ERCC6: variants seen among roughly 807,000 people sequenced by gnomAD.
ERCC6 encodes ERCC excision repair 6, chromatin remodeling factor.
Under a neutral mutation model 158.7 loss-of-function variants are expected in ERCC6, and 116 were observed. The observed-to-expected ratio is 0.73, with a 90% confidence interval of 0.63 to 0.85. The LOEUF (loss-of-function observed/expected upper bound fraction) is 0.85. Ranked by LOEUF, ERCC6 falls within the 40% of genes least tolerant of loss-of-function variation. The pLI is 0.00. For missense variants in ERCC6, 1,698 were observed against 1,799.4 expected (o/e 0.94, Z 1.02); for synonymous variants, 678 against 659.3 (o/e 1.03, Z -0.43).
intron 11 of ERCC6, among the ~76,000 whole-genome samples, chr10:49,477,254 T>C (rs1174232676): frequency 6.6e-6 from 1 of 152,124 alleles, no homozygotes; most frequent in Non-Finnish European, 1.5e-5. Context: ...CTCCCTAACA[T>C]GTCTCTACTT....
chr10:49,460,214 C>A, intron 20 of ERCC6, 159 bp downstream of exon 20: 1 of 674,552 alleles, frequency 1.5e-6, no homozygotes, highest in South Asian at 1.6e-5. Context: ...CTTTTAGATT[C>A]AAGTGAATGT....
the ERCC6 span, among the ~76,000 whole-genome samples, chr10:49,437,509 G>T: frequency 6.6e-6 from 1 of 152,176 alleles, no homozygotes; most frequent in Non-Finnish European, 1.5e-5. Context: ...GTGTTTACTA[G>T]CTGGGGAAGA....
At position 49,515,638 on chromosome 10, in the gene ERCC6, G is replaced by A. The variant is rs4253073; in HGVS notation, c.1397+8395C>T. On this transcript the variant is annotated intron_variant, in intron 5 of 20. Transcript: ENST00000355832. ...AATTGCCAAGCATTTTGTAAGACCA[G>A]TTCGAAACAGAACAAAAGAGGGCTT... The A allele has an allele frequency of 0.9, 1,457,917 of 1,613,978 alleles. 660,068 individuals are homozygous for A. Among genetic ancestry groups the A allele is most frequent in the East Asian group, 1 (44,865 of 44,886 alleles).
chr10:49,476,385 C>T, intron 11 of ERCC6, 75 bp from the exon 12 acceptor site: 1 of 1,022,684 alleles, frequency 9.8e-7, no homozygotes, highest in East Asian at 2.6e-5. Flanking sequence ...ATCAACAAAA[C>T]TTCCTGATCA....
intron 3 of ERCC6, among the ~76,000 whole-genome samples, chr10:49,530,025 A>C (rs1362135081): frequency 2.6e-5 from 4 of 152,228 alleles, no homozygotes; most frequent in Middle Eastern, 6.8e-3. Context: ...AGCTCTCGCA[A>C]CTGTCAGCAA....
At chr10:49,516,346 A>C (rs367973449) in intron 5 of ERCC6, 2 of 1,614,064 alleles carry the variant, frequency 1.2e-6, no homozygotes, top group African/African-American at 2.7e-5. Context: ...AATTTCATGC[A>C]TCTCTCATTA....
At chr10:49,478,895 T>G (rs1248432311) in intron 10 of ERCC6, among the ~76,000 whole-genome samples, 3 of 152,160 alleles carry the variant, frequency 2.0e-5, no homozygotes, top group African/African-American at 7.2e-5. Flanking sequence ...ACAAAGGAAC[T>G]CTGCAAAGCT....
rs4253231 is a variant in ERCC6, at chr10:49,458,762, A to G, written c.*53T>C. The G allele has an allele frequency of 0.1, 159,921 of 1,557,202 alleles. 9,423 individuals carry two copies. Among genetic ancestry groups the G allele is most frequent in the South Asian group, 0.19 (17,009 of 89,122 alleles). The stretch of plus-strand genomic sequence containing the variant: ...CATGATTATTAATAATAAATTAATA[A>G]TCAGAAATGCCCGTTAGAAAAAGGG... On this transcript the variant is annotated 3_prime_UTR_variant, in exon 21 of 21. Coordinates refer to ENST00000355832, the MANE Select transcript of ERCC6 (RefSeq NM_000124.4).
chr10:49,492,364 T>C (rs563393827), intron 8 of ERCC6, among the ~76,000 whole-genome samples: 1 of 152,266 alleles, frequency 6.6e-6, no homozygotes, highest in African/African-American at 2.4e-5. Context: ...TTCTCCCCAA[T>C]AATGTAACCT....
chr10:49,522,526 T>C (rs769158037), intron 5 of ERCC6, among the ~76,000 whole-genome samples: 13 of 152,240 alleles, frequency 8.5e-5, no homozygotes, highest in Non-Finnish European at 1.8e-4. Flanking sequence ...AATAATAAAT[T>C]GTTTTACAAT....
chr10:49,537,942 G>C (rs1052913671), intron 1 of ERCC6, among the ~76,000 whole-genome samples: 2 of 152,196 alleles, frequency 1.3e-5, no homozygotes, highest in African/African-American at 4.8e-5. Flanking sequence ...GGCTGGTCTC[G>C]AACTCCTGAC....
chr10:49,471,413 A>G (rs1374779928), intron 16 of ERCC6, among the ~76,000 whole-genome samples: 1 of 152,182 alleles, frequency 6.6e-6, no homozygotes, highest in Non-Finnish European at 1.5e-5. Flanking sequence ...ACATGCCATC[A>G]TGTGACTCAT....
intron 1 of ERCC6, among the ~76,000 whole-genome samples, chr10:49,538,178 C>A (rs77824193): frequency 0.013 from 2,007 of 152,310 alleles, 22 homozygotes; most frequent in Non-Finnish European, 0.02. Context: ...TCACCGTCCT[C>A]CCCCATCACT....
chr10:49,527,589 C>T (rs7096755), intron 4 of ERCC6, among the ~76,000 whole-genome samples: 12 of 151,998 alleles, frequency 7.9e-5, no homozygotes, highest in African/African-American at 1.2e-4. Flanking sequence ...GCAGGAGAAT[C>T]GCTTGAACCC....
downstream of ERCC6, among the ~76,000 whole-genome samples, chr10:49,451,040 T>G (rs1292292723): frequency 6.6e-6 from 1 of 152,146 alleles, no homozygotes; most frequent in Non-Finnish European, 1.5e-5. Context: ...CTTGATCTCC[T>G]GACCTCATGA....
Position 49,459,203 on chromosome 10 carries a change from T to C in ERCC6, c.4094A>G (p.Asn1365Ser). The C allele has an allele frequency of 6.2e-7, 1 of 1,614,150 alleles. No individual in the cohort carries two copies. Among genetic ancestry groups the C allele is most frequent in the Non-Finnish European group, 8.5e-7 (1 of 1,180,018 alleles). ...TCTTCCACTAAAATGCTCAGGGACA[T>C]TATCTTTTCCCTCCTTTTTCATGAT... ...DGIMKKEGKD[N>S]VPEHFSGRAE... Residue 1365 changes from asparagine to serine, a missense_variant, in exon 21 of 21, where the codon AAT becomes AGT. Coordinates refer to ENST00000355832, the MANE Select transcript of ERCC6 (RefSeq NM_000124.4).
chr10:49,524,144 C>A lies in ERCC6; in HGVS notation c.1286G>T (p.Ser429Ile). Residue 429 changes from serine to isoleucine, a missense_variant, in exon 5 of 21, where the codon AGT becomes ATT. Transcript: ENST00000355832. ...VQEIDDDFFP[S>I]SGEEAEAASV... is the part of the protein sequence containing the mutation. Reference sequence around the variant, plus strand: ...AGCAGCTTCAGCTTCTTCCCCAGAACTTGGGAAAAAGTCATCATCAATCTC... The same window carrying A: ...AGCAGCTTCAGCTTCTTCCCCAGAAATTGGGAAAAAGTCATCATCAATCTC... The A allele has an allele frequency of 6.2e-7, 1 of 1,614,140 alleles. No homozygotes were observed. Among genetic ancestry groups the A allele is most frequent in the Non-Finnish European group, 8.5e-7 (1 of 1,180,042 alleles).
intron 5 of ERCC6, among the ~76,000 whole-genome samples, chr10:49,513,904 T>C (rs1249823760): frequency 6.6e-6 from 1 of 152,020 alleles, no homozygotes; most frequent in African/African-American, 2.4e-5. Context: ...AAGGAAGCTG[T>C]CCAAGATTAC....
intron 20 of ERCC6, among the ~76,000 whole-genome samples, chr10:49,459,802 T>C (rs755146371): frequency 1.5e-4 from 23 of 152,198 alleles, no homozygotes; most frequent in Non-Finnish European, 2.9e-4. Flanking sequence ...AAAAAGGTAC[T>C]AGTATTCCTA....
Sources: allele counts gnomAD v4.1 joint callset (sites outside exome capture counted in the v4.1 genomes callset), GRCh38; gene constraint gnomAD v4.1.1; transcripts MANE v1.5; gene names NCBI Gene and HGNC (gene_info 2026-07-23, HGNC 2026-07-21).